The following SORCS2 variants were observed in gnomAD, a reference collection of about 807,000 sequenced individuals.
SORCS2 encodes the protein sortilin related VPS10 domain containing receptor 2.
SORCS2 carries 100 observed loss-of-function variants against 141.6 expected under a neutral mutation model. The ratio of observed to expected loss-of-function variants is 0.71; its 90% CI spans 0.60 to 0.83. The LOEUF is 0.83. Ranked by LOEUF, SORCS2 falls within the 40% of genes least tolerant of loss-of-function variation. The pLI, the probability that SORCS2 is intolerant of heterozygous loss-of-function variation, is 0.00. For synonymous variants in SORCS2, 789 were observed against 676.9 expected, an observed-to-expected ratio of 1.17 and a Z score of -2.57; for missense variants, 1,646 against 1,560.2, an observed-to-expected ratio of 1.05 and a Z score of -0.93.
At chr4:7,343,725 C>T (rs759486427) in intron 1 of SORCS2, among the ~76,000 whole-genome samples, 12 of 152,146 alleles carry the variant, frequency 7.9e-5, no homozygotes, top group African/African-American at 1.7e-4. Flanking sequence ...CAGATGGGGC[C>T]GCCACTAGCA....
chr4:7,299,893 A>G (rs1327603597), intron 1 of SORCS2, among the ~76,000 whole-genome samples: 1 of 152,228 alleles, frequency 6.6e-6, no homozygotes, highest in East Asian at 1.9e-4. Context: ...TCCTTCTCCC[A>G]GAGCCCGCTG....
chr4:7,287,832 A>G (rs1377423960), intron 1 of SORCS2, among the ~76,000 whole-genome samples: 1 of 152,178 alleles, frequency 6.6e-6, no homozygotes, highest in Admixed American at 6.5e-5. Flanking sequence ...ATTTGTTTAA[A>G]GGTGGTTTTT....
chr4:7,532,721 T>A (rs1247039662), intron 3 of SORCS2, among the ~76,000 whole-genome samples: 1 of 151,634 alleles, frequency 6.6e-6, no homozygotes, highest in Admixed American at 6.6e-5. Context: ...CTGAGATGCG[T>A]GCAGCCTTGA....
intron 1 of SORCS2, among the ~76,000 whole-genome samples, chr4:7,394,090 G>T (rs926364092): frequency 1.3e-5 from 2 of 150,684 alleles, no homozygotes; most frequent in African/African-American, 5.0e-5. Flanking sequence ...GTCCCATTTG[G>T]CTTGGTCGGT....
intron 2 of SORCS2, among the ~76,000 whole-genome samples, chr4:7,457,035 T>C (rs1336838994): frequency 1.3e-5 from 2 of 152,138 alleles, no homozygotes; most frequent in East Asian, 1.9e-4. Context: ...GGCAGAGACC[T>C]TTCTGTCCAT....
intron 1 of SORCS2, among the ~76,000 whole-genome samples, chr4:7,395,031 C>T (rs544089912): frequency 3.9e-5 from 6 of 152,306 alleles, no homozygotes; most frequent in Middle Eastern, 3.4e-3. Flanking sequence ...CTGGCTCTGA[C>T]GGCAGGCTGT....
intron 3 of SORCS2, among the ~76,000 whole-genome samples, chr4:7,634,454 C>G (rs1720106598): frequency 6.6e-6 from 1 of 151,884 alleles, no homozygotes; most frequent in South Asian, 2.1e-4. Context: ...AAAGGGCTCC[C>G]TGGGGCCAGA....
chr4:7,421,243 G>T (rs1176782586), intron 2 of SORCS2, among the ~76,000 whole-genome samples: 2 of 152,240 alleles, frequency 1.3e-5, no homozygotes, highest in East Asian at 3.9e-4. Context: ...ACCACGCCAT[G>T]CGTTTCCCAC....
At chr4:7,559,968 G>A (rs1041446208) in intron 3 of SORCS2, among the ~76,000 whole-genome samples, 5 of 152,216 alleles carry the variant, frequency 3.3e-5, no homozygotes, top group Admixed American at 6.5e-5. Context: ...GCAGGGAGGG[G>A]ACCTACCCGA....
At position 7,347,002 on chromosome 4, in the gene SORCS2, A is replaced by G. The variant is rs139702227; in HGVS notation, c.481-49286A>G. 6.3e-3 allele frequency among the ~76,000 whole-genome samples: 957 copies of G among 152,320 alleles called. 12 individuals carry two copies. The highest frequency in any genetic ancestry group is 0.022 in the African/African-American group (910 of 41,570). On this transcript the variant is annotated intron_variant, in intron 1 of 26. Transcript: ENST00000507866. ...ACATAGTAGTAGGTGCTCTGTAAAT[A>G]TTTGCTGATTGAATGAAGAATAAGG... is the stretch of plus-strand genomic sequence containing the variant.
chr4:7,731,946 C>T (rs76811007), intron 23 of SORCS2, among the ~76,000 whole-genome samples: 1,945 of 152,248 alleles, frequency 0.013, 50 homozygotes, highest in Admixed American at 0.058. Context: ...CAAAAATAGA[C>T]AAACAGGATG....
At chr4:7,499,124 AGT>A (rs1156378979) in intron 2 of SORCS2, among the ~76,000 whole-genome samples, 2 of 150,592 alleles carry the variant, frequency 1.3e-5, no homozygotes, top group South Asian at 2.2e-4. Context: ...TTTGTGTCTG[AGT>A]GTGTATGAGT....
intron 14 of SORCS2, among the ~76,000 whole-genome samples, chr4:7,708,629 C>T (rs1725628161): frequency 6.6e-6 from 1 of 152,216 alleles, no homozygotes; most frequent in Non-Finnish European, 1.5e-5. Flanking sequence ...GCCCCAAGTC[C>T]TCCCTCCGTC....
In SORCS2 at chr4:7,277,171, A is replaced by G. The variant is rs556565059; in HGVS notation, c.480+84045A>G. 4.6e-5 allele frequency among the ~76,000 whole-genome samples: 7 copies of G among 152,236 alleles called. No individual in the cohort carries two copies. In the South Asian group the frequency reaches 1.5e-3, roughly 32 times the overall value. ...GGTGGGGATTCTTTTTTGCTTCCAA[A>G]AGCTCAGTGTAAACTTTCCTGCTGT... On this transcript the variant is annotated intron_variant, in intron 1 of 26. Coordinates refer to ENST00000507866, the MANE Select transcript of SORCS2 (RefSeq NM_020777.3).
intron 3 of SORCS2, among the ~76,000 whole-genome samples, chr4:7,602,290 C>G (rs1281499389): frequency 6.6e-6 from 1 of 151,174 alleles, no homozygotes; most frequent in Non-Finnish European, 1.5e-5. Flanking sequence ...GGTGGCTGGC[C>G]GGGCGGGGGC....
At chr4:7,390,391 G>A (rs188054699) in intron 1 of SORCS2, among the ~76,000 whole-genome samples, 1 of 152,154 alleles carries the variant, frequency 6.6e-6, no homozygotes, top group Admixed American at 6.5e-5. Context: ...GAGGTGCTCA[G>A]AACGTTTCTT....
intron 1 of SORCS2, among the ~76,000 whole-genome samples, chr4:7,283,844 C>G (rs763746443): frequency 2.3e-4 from 35 of 152,056 alleles, no homozygotes; most frequent in Non-Finnish European, 4.6e-4. Flanking sequence ...ACCTGGGGAG[C>G]CTTGGGCAGT....
At chr4:7,348,145 T>A (rs1720744642) in intron 1 of SORCS2, among the ~76,000 whole-genome samples, 1 of 152,246 alleles carries the variant, frequency 6.6e-6, no homozygotes, top group Admixed American at 6.5e-5. Context: ...GAGGAGCCGA[T>A]GTGAGACAGG....
chr4:7,704,707 GGCCTCAGGA>G (rs1365342934), intron 14 of SORCS2, among the ~76,000 whole-genome samples: 2 of 152,194 alleles, frequency 1.3e-5, no homozygotes, highest in Admixed American at 1.3e-4. Context: ...GGGGCAAAGG[GGCCTCAGGA>G]GCCTCTGTCG....
Sources: allele counts gnomAD v4.1 joint callset (sites outside exome capture counted in the v4.1 genomes callset), GRCh38; gene constraint gnomAD v4.1.1; transcripts MANE v1.5; gene names NCBI Gene and HGNC (gene_info 2026-07-23, HGNC 2026-07-21).